PTPRD: variants seen among roughly 807,000 people sequenced by gnomAD.
PTPRD encodes receptor-type tyrosine-protein phosphatase delta.
A neutral mutation model predicts 214.5 loss-of-function variants in PTPRD; 34 were observed. That is an observed-to-expected ratio of 0.16 (90% CI 0.12 to 0.21). The LOEUF is 0.21. Ranked by LOEUF, PTPRD falls within the 10% of genes least tolerant of loss-of-function variation. The pLI is 1.00. For missense variants in PTPRD, 2,545 were observed against 2,398.7 expected (o/e 1.06, Z -1.27); for synonymous variants, 1,128 against 845.7 (o/e 1.33, Z -5.79).
chr9:9,389,008 A>T (rs1432430481), intron 9 of PTPRD, among the ~76,000 whole-genome samples: 1 of 152,046 alleles, frequency 6.6e-6, no homozygotes, highest in Non-Finnish European at 1.5e-5. Context: ...TTGTAATAGG[A>T]GTCTATGGGA....
chr9:9,428,911 G>A (rs773355122), intron 8 of PTPRD, among the ~76,000 whole-genome samples: 2 of 152,200 alleles, frequency 1.3e-5, no homozygotes, highest in African/African-American at 4.8e-5. Flanking sequence ...GCAGTGTGTA[G>A]AGGGAAATTT....
chr9:8,578,595 C>T (rs1230090887), intron 14 of PTPRD, among the ~76,000 whole-genome samples: 1 of 152,136 alleles, frequency 6.6e-6, no homozygotes, highest in Non-Finnish European at 1.5e-5. Context: ...CCAGCTATGA[C>T]ATAGATGGGG....
Position 10,482,334 on chromosome 9 carries a change from G to A in PTPRD, c.-600+130064C>T, listed in dbSNP as rs540422966. On this transcript the variant is annotated intron_variant, in intron 2 of 45. Transcript: ENST00000381196. ...TACAGTGAGCCGAGATGGCGCCACT[G>A]CACTCCAGCCTGGGCGACAGAGCAA... is the stretch of plus-strand genomic sequence containing the variant. Among the ~76,000 whole-genome samples the A allele has an allele frequency of 3.1e-4, 47 of 152,120 alleles. 1 individual carries two copies. In the South Asian group the frequency reaches 9.3e-3, roughly 30 times the overall value.
chr9:8,804,743 A>G (rs1186744257), intron 11 of PTPRD, among the ~76,000 whole-genome samples: 1 of 152,018 alleles, frequency 6.6e-6, no homozygotes, highest in Non-Finnish European at 1.5e-5. Flanking sequence ...GACCTTGATG[A>G]GTGGCCACCT....
rs554816499 is a variant in PTPRD at position 9,839,401 on chromosome 9, A to T, written c.-367-72550T>A. ...ACAAAAATCACAAGCATTCTTACACACCAATAACAGACAAACAGAGAGGGA... is the reference window on the plus strand; with the variant it reads ...ACAAAAATCACAAGCATTCTTACACTCCAATAACAGACAAACAGAGAGGGA... On this transcript the variant is annotated intron_variant, in intron 5 of 45. Transcript: ENST00000381196. 1.5e-4 allele frequency among the ~76,000 whole-genome samples: 23 copies of T among 152,306 alleles called. No individual in the cohort carries two copies. In the South Asian group the frequency reaches 4.8e-3, roughly 32 times the overall value.
intron 5 of PTPRD, among the ~76,000 whole-genome samples, chr9:9,821,487 G>A (rs2050713508): frequency 6.6e-6 from 1 of 152,132 alleles, no homozygotes; most frequent in Non-Finnish European, 1.5e-5. Flanking sequence ...CCCTAGATAT[G>A]TAGTTATATA....
intron 11 of PTPRD, among the ~76,000 whole-genome samples, chr9:8,819,793 G>A (rs2097009368): frequency 6.6e-6 from 1 of 152,328 alleles, no homozygotes; most frequent in East Asian, 1.9e-4. Flanking sequence ...TGAAGTTGTT[G>A]ATAGCCGGAA....
chr9:9,324,494 A>T (rs7470294), intron 9 of PTPRD, among the ~76,000 whole-genome samples: 54 of 151,364 alleles, frequency 3.6e-4, no homozygotes, highest in African/African-American at 1.3e-3. Context: ...TCTTCTTTTG[A>T]GAAGTGTCTG....
At chr9:8,497,050 T>G (rs1294075670) in intron 26 of PTPRD, among the ~76,000 whole-genome samples, 192 bp downstream of exon 26, 2 of 152,166 alleles carry the variant, frequency 1.3e-5, no homozygotes, top group Non-Finnish European at 2.9e-5. Context: ...ACGCAGTCAA[T>G]AGCACCATGC....
At chr9:8,949,788 G>C (rs542220087) in intron 11 of PTPRD, among the ~76,000 whole-genome samples, 2 of 152,034 alleles carry the variant, frequency 1.3e-5, no homozygotes, top group African/African-American at 4.8e-5. Context: ...TGTCTTCTAC[G>C]TGTTGCTTTT....
At chr9:8,774,815 T>C (rs950601203) in intron 11 of PTPRD, among the ~76,000 whole-genome samples, 6 of 152,144 alleles carry the variant, frequency 3.9e-5, no homozygotes, top group Non-Finnish European at 8.8e-5. Context: ...ATCACAGGCA[T>C]GAGCCACTGC....
intron 2 of PTPRD, among the ~76,000 whole-genome samples, chr9:10,444,307 TAA>T (rs1180636242): frequency 6.6e-6 from 1 of 151,808 alleles, no homozygotes; most frequent in Non-Finnish European, 1.5e-5. Context: ...TTTTAAGTAA[TAA>T]AAGATATTTA....
chr9:9,743,830 A>T (rs982266922), intron 6 of PTPRD, among the ~76,000 whole-genome samples: 1 of 151,390 alleles, frequency 6.6e-6, no homozygotes, highest in Non-Finnish European at 1.5e-5. Context: ...GATGATTTCT[A>T]TTTGACTCTC....
intron 2 of PTPRD, among the ~76,000 whole-genome samples, chr9:10,426,037 A>G (rs2098610888): frequency 6.6e-6 from 1 of 151,986 alleles, no homozygotes; most frequent in Non-Finnish European, 1.5e-5. Flanking sequence ...CACTCTATAA[A>G]AATGTAATAT....
intron 3 of PTPRD, among the ~76,000 whole-genome samples, chr9:10,072,253 T>C (rs551563714): frequency 6.6e-6 from 1 of 152,106 alleles, no homozygotes; most frequent in African/African-American, 2.4e-5. Flanking sequence ...GGAATGCAAA[T>C]TAAAGCAACA....
intron 4 of PTPRD, among the ~76,000 whole-genome samples, chr9:9,997,230 G>C (rs2096152828): frequency 6.6e-6 from 1 of 151,152 alleles, no homozygotes; most frequent in African/African-American, 2.4e-5. Context: ...ATTCACTAGG[G>C]AGACTTAACA....
intron 8 of PTPRD, among the ~76,000 whole-genome samples, chr9:9,462,095 T>C (rs896109634): frequency 2.6e-5 from 4 of 152,150 alleles, no homozygotes; most frequent in African/African-American, 9.6e-5. Context: ...GTCTCCAATA[T>C]GTGATATATT....
intron 2 of PTPRD, among the ~76,000 whole-genome samples, chr9:10,472,035 A>G (rs773314085): frequency 6.6e-6 from 1 of 152,122 alleles, no homozygotes; most frequent in Non-Finnish European, 1.5e-5. Flanking sequence ...TTAGCTTATG[A>G]GATATCACAA....
chr9:8,708,060 C>T (rs998980612), intron 12 of PTPRD, among the ~76,000 whole-genome samples: 2 of 152,176 alleles, frequency 1.3e-5, no homozygotes, highest in Non-Finnish European at 2.9e-5. Context: ...ACTCACTTTC[C>T]AAATGCCTTC....
Sources: allele counts gnomAD v4.1 joint callset (sites outside exome capture counted in the v4.1 genomes callset), GRCh38; gene constraint gnomAD v4.1.1; transcripts MANE v1.5; gene names NCBI Gene and HGNC (gene_info 2026-07-23, HGNC 2026-07-21).